Variants in ERC1 observed in about 807,000 individuals in gnomAD.
The protein encoded by ERC1 is ELKS/RAB6-interacting/CAST family member 1, also known as RAB6 interacting protein 2.
In ERC1, 56 loss-of-function variants were observed where a neutral mutation model predicts 132.0. That is an observed-to-expected ratio of 0.42 (90% CI 0.34 to 0.53). The LOEUF (loss-of-function observed/expected upper bound fraction) is 0.53. Among genes scored for constraint, ERC1 ranks in the 20% least tolerant of loss-of-function variants. The pLI is 0.03. For synonymous variants in ERC1, 478 were observed against 476.1 expected, an observed-to-expected ratio of 1.00 and a Z score of -0.05; for missense variants, 1,202 against 1,349.9, an observed-to-expected ratio of 0.89 and a Z score of 1.72.
At chr12:1,136,719 CT>C (rs1275340204) in intron 7 of ERC1, among the ~76,000 whole-genome samples, 3 of 152,172 alleles carry the variant, frequency 2.0e-5, no homozygotes, top group Non-Finnish European at 4.4e-5. Context: ...TCTTCTGTTA[CT>C]TTATGCCAAG....
intron 12 of ERC1, among the ~76,000 whole-genome samples, chr12:1,234,549 T>C (rs1290404011): frequency 6.6e-6 from 1 of 152,110 alleles, no homozygotes; most frequent in Non-Finnish European, 1.5e-5. Flanking sequence ...TGCTGTTGGG[T>C]TTTTTGTTGC....
chr12:1,336,485 T>C (rs1016148268), intron 15 of ERC1, among the ~76,000 whole-genome samples: 2 of 152,232 alleles, frequency 1.3e-5, no homozygotes, highest in African/African-American at 4.8e-5. Flanking sequence ...CTTCTTGATT[T>C]CTGCCTTAGT....
chr12:1,101,524 A>T (rs1309833105), intron 3 of ERC1, among the ~76,000 whole-genome samples: 2 of 152,178 alleles, frequency 1.3e-5, no homozygotes, highest in Non-Finnish European at 2.9e-5. Flanking sequence ...TCTTCATGTC[A>T]CAAGATTCTG....
intron 16 of ERC1, among the ~76,000 whole-genome samples, chr12:1,407,231 A>AT (rs1399502348): frequency 1.3e-5 from 2 of 152,098 alleles, no homozygotes; most frequent in Non-Finnish European, 2.9e-5. Context: ...CTTTTAACTT[A>AT]TTTTTAAGAC....
intron 15 of ERC1, among the ~76,000 whole-genome samples, chr12:1,321,086 A>G (rs372979621): frequency 1.3e-5 from 2 of 152,352 alleles, no homozygotes; most frequent in South Asian, 4.1e-4. Context: ...AAGAATATCC[A>G]TGTGCAGGCA....
chr12:1,075,500 G>A (rs577913770), intron 2 of ERC1, among the ~76,000 whole-genome samples: 9 of 152,266 alleles, frequency 5.9e-5, no homozygotes, highest in African/African-American at 1.9e-4. Context: ...AGACCATCCC[G>A]GCCAATATGG....
At chr12:1,085,419 A>G (rs78001699) in intron 3 of ERC1, among the ~76,000 whole-genome samples, 1 of 7,016 alleles carries the variant, frequency 1.4e-4, no homozygotes, top group African/African-American at 2.0e-4. Flanking sequence ...TATTATTATT[A>G]TTGTTGTTGT....
At chr12:1,403,091 AAATT>A (rs1268391289) in intron 16 of ERC1, among the ~76,000 whole-genome samples, 1 of 152,210 alleles carries the variant, frequency 6.6e-6, no homozygotes, top group Non-Finnish European at 1.5e-5. Flanking sequence ...GTAGAAGAAA[AAATT>A]AACAGAATAG....
At chr12:1,315,905 T>C (rs1430126684) in intron 15 of ERC1, among the ~76,000 whole-genome samples, 3 of 152,070 alleles carry the variant, frequency 2.0e-5, no homozygotes, top group African/African-American at 7.2e-5. Context: ...ACATTTTTTT[T>C]TTTTGAGACG....
chr12:1,051,529 C>CCA (rs1419595611), intron 2 of ERC1, among the ~76,000 whole-genome samples: 2 of 127,684 alleles, frequency 1.6e-5, no homozygotes, highest in African/African-American at 6.6e-5. Context: ...GTCTCTACCC[C>CCA]AAAAAAAAAA....
chr12:1,103,172 G>A (rs749859166), intron 3 of ERC1, among the ~76,000 whole-genome samples: 3 of 152,202 alleles, frequency 2.0e-5, no homozygotes, highest in African/African-American at 4.8e-5. Flanking sequence ...CACAAAAGAG[G>A]CATTTGAGCC....
chr12:1,003,000 C>T (rs1460231957), intron 1 of ERC1, among the ~76,000 whole-genome samples: 2 of 144,410 alleles, frequency 1.4e-5, no homozygotes, highest in Non-Finnish European at 3.0e-5. Context: ...CCTGTAATCC[C>T]AACACTTTGG....
At chr12:1,029,274 C>T (rs1353911930) in intron 2 of ERC1, among the ~76,000 whole-genome samples, 2 of 152,086 alleles carry the variant, frequency 1.3e-5, no homozygotes, top group Non-Finnish European at 2.9e-5. Context: ...ATCACGTAAA[C>T]CTGGGAGGCG....
At chr12:1,204,374 T>A in intron 12 of ERC1, 3 of 672,386 alleles carry the variant, frequency 4.5e-6, no homozygotes, top group Non-Finnish European at 7.4e-6. Flanking sequence ...ATAGAATTTG[T>A]GACTCCTTCC....
intron 16 of ERC1, among the ~76,000 whole-genome samples, chr12:1,404,520 A>C (rs550351027): frequency 6.6e-6 from 1 of 152,164 alleles, no homozygotes; most frequent in Non-Finnish European, 1.5e-5. Flanking sequence ...TTATTTTCAT[A>C]TTTTCTCTTT....
chr12:1,405,967 C>T (rs974984924), intron 16 of ERC1, among the ~76,000 whole-genome samples: 12 of 151,960 alleles, frequency 7.9e-5, no homozygotes, highest in Admixed American at 3.9e-4. Context: ...CACATATACA[C>T]GTATACATAT....
intron 13 of ERC1, among the ~76,000 whole-genome samples, chr12:1,247,949 T>C (rs1017936796): frequency 6.6e-6 from 1 of 152,110 alleles, no homozygotes; most frequent in Non-Finnish European, 1.5e-5. Context: ...TGAGCCGAGA[T>C]CATGCAACTG....
intron 15 of ERC1, among the ~76,000 whole-genome samples, chr12:1,354,598 A>G (rs1276543449): frequency 6.6e-6 from 1 of 152,032 alleles, no homozygotes; most frequent in Admixed American, 6.5e-5. Context: ...AATGCTAATT[A>G]TAGTGAGTGT....
At chr12:1,223,578 T>G (rs1039483432) in intron 12 of ERC1, among the ~76,000 whole-genome samples, 3 of 152,192 alleles carry the variant, frequency 2.0e-5, no homozygotes, top group Non-Finnish European at 4.4e-5. Context: ...TTGTAAAACT[T>G]CTGGTGGCAG....
Sources: allele counts gnomAD v4.1 joint callset (sites outside exome capture counted in the v4.1 genomes callset), GRCh38; gene constraint gnomAD v4.1.1; transcripts MANE v1.5; gene names NCBI Gene and HGNC (gene_info 2026-07-23, HGNC 2026-07-21).